SOX5: variants seen among roughly 807,000 people sequenced by gnomAD.
SOX5 encodes SRY-box transcription factor 5.
In SOX5, 9 loss-of-function variants were observed where a neutral mutation model predicts 92.0. The observed-to-expected ratio is 0.10, with a 90% CI of 0.06 to 0.17. The LOEUF is 0.17. SOX5 is among the 10% of genes least tolerant of loss of function. The probability of loss-of-function intolerance (pLI) is 1.00; values close to 1 mark genes in which losing one functional copy is unlikely to be tolerated. For missense variants in SOX5, 642 were observed against 944.5 expected, an observed-to-expected ratio of 0.68 and a Z score of 4.20; for synonymous variants, 344 against 336.3, an observed-to-expected ratio of 1.02 and a Z score of -0.25.
chr12:23,957,551 C>G (rs911183279), intron 4 of SOX5, among the ~76,000 whole-genome samples: 7 of 152,122 alleles, frequency 4.6e-5, no homozygotes, highest in Admixed American at 2.0e-4. Flanking sequence ...ATGACAAGTT[C>G]AAAAGCAAAC....
chr12:24,293,769 T>C (rs1288928779), intron 2 of SOX5, among the ~76,000 whole-genome samples: 1 of 152,210 alleles, frequency 6.6e-6, no homozygotes, highest in Non-Finnish European at 1.5e-5. Flanking sequence ...CTTGCTGACA[T>C]GGCATACTGA....
intron 2 of SOX5, among the ~76,000 whole-genome samples, chr12:24,347,558 G>C (rs1483486228): frequency 6.6e-6 from 1 of 152,034 alleles, no homozygotes; most frequent in Non-Finnish European, 1.5e-5. Context: ...TGAAATCAGA[G>C]TTATCAATTC....
At chr12:23,767,207 A>G (rs1275569700) in intron 3 of SOX5, among the ~76,000 whole-genome samples, 1 of 130,068 alleles carries the variant, frequency 7.7e-6, no homozygotes, top group Non-Finnish European at 1.6e-5. Flanking sequence ...TTGTCTCAAA[A>G]AAACAGAAAC....
At position 24,446,149 on chromosome 12, in the gene SOX5, C is replaced by T. The variant is rs117187430; in HGVS notation, c.-250-77510G>A. Reference sequence around the variant, plus strand: ...AGCTATGAACAAGAGAGATAAGACCCTACCTACATATATTCTAATGGTGAG... The same window carrying T: ...AGCTATGAACAAGAGAGATAAGACCTTACCTACATATATTCTAATGGTGAG... On this transcript the variant is annotated intron_variant, in intron 1 of 4. Transcript: ENST00000446891. Among the ~76,000 whole-genome samples the T allele has an allele frequency of 1.1e-3, 167 of 152,254 alleles. 3 individuals are homozygous for T. The East Asian group carries it at 0.024, about 21-fold the overall frequency.
chr12:23,720,260 T>C (rs956431179), intron 6 of SOX5, among the ~76,000 whole-genome samples: 1 of 152,116 alleles, frequency 6.6e-6, no homozygotes, highest in Non-Finnish European at 1.5e-5. Flanking sequence ...ATACCCTACA[T>C]GTGGAGAACT....
intron 9 of SOX5, among the ~76,000 whole-genome samples, chr12:23,588,447 G>C (rs1241963528): frequency 6.6e-6 from 1 of 151,938 alleles, no homozygotes; most frequent in Non-Finnish European, 1.5e-5. Flanking sequence ...TAATTAATGT[G>C]TAGTGAAACT....
intron 4 of SOX5, among the ~76,000 whole-genome samples, chr12:24,116,957 C>A (rs1948071875): frequency 2.2e-5 from 3 of 138,116 alleles, no homozygotes; most frequent in Non-Finnish European, 1.5e-5. Context: ...AAACTTTATC[C>A]AATTATCTAA....
chr12:23,923,293 A>AATGAATG (rs1938978644), intron 1 of SOX5, among the ~76,000 whole-genome samples: 6 of 149,138 alleles, frequency 4.0e-5, no homozygotes, highest in Non-Finnish European at 5.9e-5. Context: ...ACCCAAAAAT[A>AATGAATG]AATGAATGAA....
At position 24,377,456 on chromosome 12, in the gene SOX5, AAACT is replaced by A. The variant is rs537756834; in HGVS notation, c.-250-8821_-250-8818del. On this transcript the variant is annotated intron_variant, in intron 1 of 4. Transcript: ENST00000446891. ...TTTAACATAACCATTTCTGAAACTA[AAACT>A]AACTAAGAATGCAGAAAAATGTTAC... Among the ~76,000 whole-genome samples, 397 of 152,352 alleles carry A rather than the reference AAACT, an allele frequency of 2.6e-3. 1 individual carries two copies. The highest frequency in any genetic ancestry group is 4.2e-3 in the Non-Finnish European group (284 of 68,022).
At chr12:24,368,325 A>T (rs1041646048) in intron 2 of SOX5, 2 of 152,214 alleles carry the variant, frequency 1.3e-5, no homozygotes, top group African/African-American at 4.8e-5. Context: ...TTTAAAATTT[A>T]ATCTGCCCTA....
chr12:23,991,962 G>T (rs369908180), intron 4 of SOX5, among the ~76,000 whole-genome samples: 20 of 151,988 alleles, frequency 1.3e-4, no homozygotes, highest in African/African-American at 4.8e-4. Context: ...GAAGCAATAT[G>T]AAATCTTATA....
chr12:23,727,114 G>T (rs1355154179), intron 6 of SOX5, among the ~76,000 whole-genome samples: 3 of 152,054 alleles, frequency 2.0e-5, no homozygotes, highest in Non-Finnish European at 4.4e-5. Flanking sequence ...TCCATTAAAT[G>T]CATTTTTTAG....
At chr12:24,057,160 C>T (rs944032553) in intron 4 of SOX5, among the ~76,000 whole-genome samples, 4 of 151,578 alleles carry the variant, frequency 2.6e-5, no homozygotes, top group African/African-American at 9.7e-5. Context: ...AAGGAAAAAA[C>T]CTAGCTACAT....
intron 1 of SOX5, among the ~76,000 whole-genome samples, chr12:23,911,115 C>T (rs957814772): frequency 2.0e-5 from 3 of 151,724 alleles, no homozygotes; most frequent in Non-Finnish European, 2.9e-5. Flanking sequence ...AAGTGAAATA[C>T]AGAAGAAAAA....
intron 4 of SOX5, among the ~76,000 whole-genome samples, chr12:24,185,749 T>C (rs1407619680): frequency 1.3e-5 from 2 of 152,194 alleles, no homozygotes; most frequent in Non-Finnish European, 2.9e-5. Context: ...TGTAAAACAC[T>C]TGAAACAGTG....
intron 4 of SOX5, among the ~76,000 whole-genome samples, chr12:24,121,821 G>A (rs1029327271): frequency 6.8e-6 from 1 of 146,836 alleles, no homozygotes; most frequent in African/African-American, 2.5e-5. Context: ...GGGAGGCAGA[G>A]GTTGCAGTGA....
At chr12:24,471,375 A>T (rs564261329) in intron 1 of SOX5, among the ~76,000 whole-genome samples, 1 of 152,326 alleles carries the variant, frequency 6.6e-6, no homozygotes, top group Admixed American at 6.5e-5. Context: ...ATGTTAACAC[A>T]TGCTATTAGG....
At chr12:24,428,651 C>T (rs1250257477) in intron 1 of SOX5, among the ~76,000 whole-genome samples, 2 of 128,514 alleles carry the variant, frequency 1.6e-5, no homozygotes, top group Non-Finnish European at 3.1e-5. Flanking sequence ...TGCCTGTAGT[C>T]CTAGCTACTC....
At chr12:24,437,741 C>T (rs1429589633) in intron 1 of SOX5, among the ~76,000 whole-genome samples, 2 of 152,148 alleles carry the variant, frequency 1.3e-5, no homozygotes, top group African/African-American at 4.8e-5. Flanking sequence ...GAGATACCAT[C>T]TTATGCCAGT....
Sources: allele counts gnomAD v4.1 joint callset (sites outside exome capture counted in the v4.1 genomes callset), GRCh38; gene constraint gnomAD v4.1.1; transcripts MANE v1.5; gene names NCBI Gene and HGNC (gene_info 2026-07-23, HGNC 2026-07-21).